The following RORB variants were observed in gnomAD, a reference collection of about 807,000 sequenced individuals.
RORB encodes the protein nuclear receptor ROR-beta.
RORB carries 6 observed loss-of-function variants against 59.1 expected under a neutral mutation model. The observed-to-expected ratio is 0.10, with a 90% CI of 0.06 to 0.20. The LOEUF is 0.20. RORB is among the 10% of genes least tolerant of loss of function. The pLI is 1.00. For synonymous variants in RORB, 215 were observed against 204.5 expected (o/e 1.05, Z -0.44); for missense variants, 320 against 560.5 (o/e 0.57, Z 4.33).
At chr9:74,501,542 AATC>A (rs1182037067) in intron 1 of RORB, among the ~76,000 whole-genome samples, 2 of 152,250 alleles carry the variant, frequency 1.3e-5, no homozygotes, top group African/African-American at 2.4e-5. Flanking sequence ...CTCATTAAGT[AATC>A]ATCAGTAAGC....
chr9:74,615,544 C>A (rs562525974), intron 1 of RORB: 8 of 444,920 alleles, frequency 1.8e-5, no homozygotes, highest in Admixed American at 1.7e-4. Context: ...AGTCTTCAGA[C>A]CTCCCCAGTG....
chr9:74,506,802 A>G (rs1825876743), intron 1 of RORB, among the ~76,000 whole-genome samples: 1 of 152,120 alleles, frequency 6.6e-6, no homozygotes, highest in Non-Finnish European at 1.5e-5. Flanking sequence ...GTCCTGAAAC[A>G]CAAATAATTG....
chr9:74,501,908 ACTC>A (rs1374667079), intron 1 of RORB, among the ~76,000 whole-genome samples: 1 of 151,752 alleles, frequency 6.6e-6, no homozygotes, highest in African/African-American at 2.4e-5. Context: ...CAAGATTAAA[ACTC>A]CTTTCTTGGC....
chr9:74,632,237 C>T (rs2118423063), intron 2 of RORB, among the ~76,000 whole-genome samples: 1 of 152,226 alleles, frequency 6.6e-6, no homozygotes, highest in South Asian at 2.1e-4. Flanking sequence ...GTCATCTTTT[C>T]TATTTAAAGG....
chr9:74,566,504 T>C (rs1822470110), intron 1 of RORB, among the ~76,000 whole-genome samples: 1 of 152,122 alleles, frequency 6.6e-6, no homozygotes, highest in South Asian at 2.1e-4. Flanking sequence ...TTTTATAAAA[T>C]AAGCCCTTCC....
chr9:74,565,918 C>T (rs577259441), intron 1 of RORB, among the ~76,000 whole-genome samples: 26 of 152,132 alleles, frequency 1.7e-4, no homozygotes, highest in Non-Finnish European at 3.4e-4. Flanking sequence ...ATGACAAGTG[C>T]TCTTTGAACA....
intron 1 of RORB, among the ~76,000 whole-genome samples, chr9:74,548,367 A>T (rs1245299743): frequency 2.0e-5 from 3 of 152,220 alleles, no homozygotes; most frequent in Non-Finnish European, 2.9e-5. Flanking sequence ...AGCTTCTCTG[A>T]AGCAGCAGTT....
intron 1 of RORB, among the ~76,000 whole-genome samples, chr9:74,599,897 A>C (rs1295881307): frequency 6.6e-6 from 1 of 152,220 alleles, no homozygotes; most frequent in African/African-American, 2.4e-5. Flanking sequence ...AGAAACTACT[A>C]GCTGTGGAGC....
At chr9:74,607,234 C>G (rs1193434669) in intron 1 of RORB, among the ~76,000 whole-genome samples, 1 of 152,218 alleles carries the variant, frequency 6.6e-6, no homozygotes. Flanking sequence ...AGTTAAGATC[C>G]CTTGGGGAAG....
At chr9:74,639,127 A>G (rs775438591) in intron 3 of RORB, among the ~76,000 whole-genome samples, 10 of 152,224 alleles carry the variant, frequency 6.6e-5, no homozygotes, top group Non-Finnish European at 1.2e-4. Flanking sequence ...GGTCAGTTCT[A>G]TAGCTCTGCT....
intron 1 of RORB, among the ~76,000 whole-genome samples, chr9:74,510,822 A>G (rs867891815): frequency 6.6e-6 from 1 of 152,218 alleles, no homozygotes; most frequent in Non-Finnish European, 1.5e-5. Flanking sequence ...TTTGAAAAAA[A>G]GAGCTCAACT....
At chr9:74,682,508 A>AG (rs1159427266) in intron 9 of RORB, among the ~76,000 whole-genome samples, 1 of 152,148 alleles carries the variant, frequency 6.6e-6, no homozygotes, top group Non-Finnish European at 1.5e-5. Flanking sequence ...GGACAGAAAT[A>AG]GGATTCAAAC....
At chr9:74,683,001 T>C (rs184271170) in intron 9 of RORB, among the ~76,000 whole-genome samples, 1 of 152,330 alleles carries the variant, frequency 6.6e-6, no homozygotes, top group African/African-American at 2.4e-5. Flanking sequence ...CTGCAGGGAA[T>C]GTTTGTTTCA....
chr9:74,580,708 C>T (rs1023517732), intron 1 of RORB, among the ~76,000 whole-genome samples: 5 of 152,092 alleles, frequency 3.3e-5, no homozygotes, highest in African/African-American at 1.2e-4. Flanking sequence ...TGATCCCAAC[C>T]AATTCACAGA....
At chr9:74,663,413 T>C (rs1824221110) in intron 6 of RORB, among the ~76,000 whole-genome samples, 1 of 152,156 alleles carries the variant, frequency 6.6e-6, no homozygotes. Flanking sequence ...AAGAGCTACA[T>C]TCAATATTAC....
At chr9:74,509,923 A>G (rs191721225) in intron 1 of RORB, among the ~76,000 whole-genome samples, 18 of 152,236 alleles carry the variant, frequency 1.2e-4, no homozygotes, top group Admixed American at 2.6e-4. Context: ...CCTTAACAAT[A>G]TTGCAATTTA....
chr9:74,520,977 G>T (rs1006343577), intron 1 of RORB, among the ~76,000 whole-genome samples: 1 of 151,770 alleles, frequency 6.6e-6, no homozygotes, highest in Non-Finnish European at 1.5e-5. Flanking sequence ...TCTTCATGTG[G>T]CTAACCCTGT....
intron 1 of RORB, among the ~76,000 whole-genome samples, chr9:74,531,364 C>A (rs1826235680): frequency 6.6e-6 from 1 of 151,952 alleles, no homozygotes; most frequent in Non-Finnish European, 1.5e-5. Flanking sequence ...ATGTGCACAG[C>A]CAAATCAAAA....
At chr9:74,498,393 CG>C (rs1563921388) in intron 1 of RORB, 2 of 167,156 alleles carry the variant, frequency 1.2e-5, no homozygotes, top group African/African-American at 4.8e-5. Context: ...TTTGGGCGCG[CG>C]GGGCGCACCG....
Sources: allele counts gnomAD v4.1 joint callset (sites outside exome capture counted in the v4.1 genomes callset), GRCh38; gene constraint gnomAD v4.1.1; transcripts MANE v1.5; gene names NCBI Gene and HGNC (gene_info 2026-07-23, HGNC 2026-07-21).